TTC7A: variants seen among roughly 807,000 people sequenced by gnomAD.
TTC7A encodes the protein tetratricopeptide repeat domain 7A, also known as tetratricopeptide repeat protein 7A.
A neutral mutation model predicts 103.7 loss-of-function variants in TTC7A; 110 were observed. The ratio of observed to expected loss-of-function variants is 1.06; its 90% CI spans 0.91 to 1.24. The LOEUF (loss-of-function observed/expected upper bound fraction) is 1.24, where lower values mean the gene tolerates loss of function less well. Ranked by LOEUF, TTC7A falls within the 50% of genes most tolerant of loss-of-function variation. The pLI, the probability that TTC7A is intolerant of heterozygous loss-of-function variation, is 0.00. For synonymous variants in TTC7A, 521 were observed against 467.9 expected (o/e 1.11, Z -1.47); for missense variants, 1,340 against 1,116.3 (o/e 1.20, Z -2.86).
upstream of TTC7A, among the ~76,000 whole-genome samples, chr2:46,940,665 T>C (rs1185603112): frequency 7.2e-5 from 11 of 152,170 alleles, no homozygotes; most frequent in African/African-American, 2.7e-4. This position sits in a 1 kb window ranked among gnomAD's most constrained non-coding sequence, Gnocchi z 4.7. Context: ...GGAAGTCAAG[T>C]TGGAAAGAGG....
chr2:46,970,983 C>T (rs1673305275), intron 3 of TTC7A, among the ~76,000 whole-genome samples: 1 of 152,240 alleles, frequency 6.6e-6, no homozygotes, highest in Non-Finnish European at 1.5e-5. Context: ...GTCACTGAAT[C>T]TGTGTGCATG....
chr2:46,964,405 A>C (rs1437705331), intron 3 of TTC7A, among the ~76,000 whole-genome samples: 4 of 151,988 alleles, frequency 2.6e-5, no homozygotes, highest in Non-Finnish European at 5.9e-5. Flanking sequence ...GCCCCATGAG[A>C]GGGCCCAGAG....
intron 2 of TTC7A, among the ~76,000 whole-genome samples, chr2:46,954,478 G>A (rs1291099731): frequency 1.3e-5 from 2 of 151,420 alleles, no homozygotes; most frequent in African/African-American, 4.9e-5. Flanking sequence ...GCAGCAAAAT[G>A]ATACCATCTT....
chr2:46,959,766 A>C (rs1672211968), intron 3 of TTC7A, among the ~76,000 whole-genome samples: 2 of 152,064 alleles, frequency 1.3e-5, no homozygotes, highest in African/African-American at 4.8e-5. Context: ...ATTCCCGGGG[A>C]GGCTTTAGAC....
chr2:46,956,768 A>G, intron 2 of TTC7A, 71 bp from the exon 3 acceptor site: 1 of 1,566,566 alleles, frequency 6.4e-7, no homozygotes. Flanking sequence ...AACAAGGTCC[A>G]GGTTCAGTGG....
At chr2:46,916,261 A>G in exon 1 of TTC7A, 1 of 785,442 alleles carries the variant, frequency 1.3e-6, no homozygotes, top group Non-Finnish European at 1.5e-6. Flanking sequence ...CGACCACAAC[A>G]CGCTGGAGCC....
At position 46,999,636 on chromosome 2, in the gene TTC7A, C is replaced by T. The variant is rs1429131778; in HGVS notation, c.1065+4437C>T. On this transcript the variant is annotated intron_variant, in intron 8 of 19. Transcript: ENST00000319190. The stretch of plus-strand genomic sequence containing the variant: ...TGGTCCCCAAATCAGAAGGAATGAC[C>T]CCAGCCTGCTGAACCTCAAACGTAA... 12 of 985,312 alleles carry T rather than the reference C, an allele frequency of 1.2e-5. No individual in the cohort carries two copies. In the South Asian group the frequency reaches 3.3e-4, roughly 27 times the overall value. The allele number at this position is 985,312 out of a possible 1,614,324, so 61.0% of individuals were successfully genotyped here.
At chr2:46,933,021 A>C (rs993420853) in intron 2 of TTC7A, among the ~76,000 whole-genome samples, 43 of 152,132 alleles carry the variant, frequency 2.8e-4, no homozygotes, top group African/African-American at 1.0e-3. Context: ...AAACCAGACC[A>C]GCTAAGCTGC....
intron 15 of TTC7A, among the ~76,000 whole-genome samples, chr2:47,030,555 C>T (rs1161274963): frequency 6.6e-6 from 1 of 152,198 alleles, no homozygotes; most frequent in Non-Finnish European, 1.5e-5. Flanking sequence ...GCAGTGTTTC[C>T]TAAATATAAA....
chr2:47,071,937 G>T lies in TTC7A; in HGVS notation c.2356-1765G>T, dbSNP rs144686137. Among the ~76,000 whole-genome samples the T allele has an allele frequency of 2.0e-5, 3 of 152,248 alleles. No homozygotes were observed. The East Asian group carries it at 5.8e-4, about 29-fold the overall frequency. ...TGGCCCTCTCTGGGAGGCCTTGCCG[G>T]CCTTTCCCTTCTGTCCTGTGTGGCT... On this transcript the variant is annotated intron_variant, in intron 19 of 19. Coordinates refer to ENST00000319190, the MANE Select transcript of TTC7A (RefSeq NM_020458.4).
intron 3 of TTC7A, among the ~76,000 whole-genome samples, chr2:46,970,865 T>C (rs1411591544): frequency 6.6e-6 from 1 of 152,238 alleles, no homozygotes; most frequent in Non-Finnish European, 1.5e-5. Context: ...CCTGGGCACC[T>C]GGGTCTTTGT....
intron 19 of TTC7A, chr2:47,068,200 C>T (rs775537762): frequency 6.6e-6 from 1 of 152,252 alleles, no homozygotes; most frequent in Non-Finnish European, 1.5e-5. Flanking sequence ...AAGGATGTGC[C>T]GAGCAGCTGA....
intron 8 of TTC7A, among the ~76,000 whole-genome samples, chr2:47,005,485 G>A (rs1030634238): frequency 1.3e-5 from 2 of 152,206 alleles, no homozygotes; most frequent in African/African-American, 4.8e-5. Context: ...AGAGAGAAAG[G>A]TGGAGGGCCG....
chr2:47,051,471 C>T lies in TTC7A; in HGVS notation c.2018-275C>T, dbSNP rs11693262. 0.17 allele frequency among the ~76,000 whole-genome samples: 25,385 copies of T among 152,234 alleles called. 2,243 individuals carry two copies. The highest frequency in any genetic ancestry group is 0.2 in the Non-Finnish European group (13,391 of 67,996). On this transcript the variant is annotated intron_variant, in intron 17 of 19. Coordinates refer to ENST00000319190, the MANE Select transcript of TTC7A (RefSeq NM_020458.4). ...ATTTCTGTTGTGTTCACGTAAAGAGCATCTTTGCTGACATTATTGTTTTCC... is the reference window on the plus strand; with the variant it reads ...ATTTCTGTTGTGTTCACGTAAAGAGTATCTTTGCTGACATTATTGTTTTCC...
chr2:47,061,081 A>G, intron 19 of TTC7A, 110 bp downstream of exon 19: 2 of 1,180,340 alleles, frequency 1.7e-6, no homozygotes, highest in East Asian at 2.6e-5. Flanking sequence ...GTGCCTTGCT[A>G]CTGCTGTTCC....
Position 47,046,379 on chromosome 2 carries a change from T to C in TTC7A, c.1867T>C (p.Cys623Arg). 1 of 1,614,222 alleles carries C rather than the reference T, an allele frequency of 6.2e-7. No individual in the cohort carries two copies. The highest frequency in any genetic ancestry group is 8.5e-7 in the Non-Finnish European group (1 of 1,180,026). ...LKGPEEALVT[C>R]RQVLRLWQTL... ...AGGCCCAGAGGAAGCCCTCGTGACC[T>C]GCAGACAAGTGCTGAGGCTGTGGCA... Residue 623 changes from cysteine (C) to arginine (R), a missense_variant, in exon 16 of 20, where the codon TGC becomes CGC. By Grantham distance (180) the Cys-to-Arg change is radical. Transcript: ENST00000319190.
chr2:46,979,065 G>A (rs1674167009), intron 5 of TTC7A, among the ~76,000 whole-genome samples, 158 bp downstream of exon 5: 1 of 152,166 alleles, frequency 6.6e-6, no homozygotes, highest in African/African-American at 2.4e-5. Context: ...TGTCAGACAG[G>A]AGTGTGCAGA....
chr2:47,029,296 C>G lies in TTC7A; in HGVS notation c.1714C>G (p.Leu572Val). Residue 572 changes from leucine to valine, a missense_variant, in exon 15 of 20, where the codon CTG becomes GTG. By Grantham distance (32) the Leu-to-Val change is conservative (BLOSUM62 1). Transcript: ENST00000319190. ...RKDDAHALHL[L>V]ALLFSAQKHH... Reference sequence around the variant, plus strand: ...GGATGATGCCCACGCCCTCCACCTGCTGGCACTGCTCTTCTCTGCCCAGAA... The same window carrying G: ...GGATGATGCCCACGCCCTCCACCTGGTGGCACTGCTCTTCTCTGCCCAGAA... 1.2e-6 allele frequency: 2 copies of G among 1,614,094 alleles called. No individual in the cohort carries two copies. Among genetic ancestry groups the G allele is most frequent in the Non-Finnish European group, 1.7e-6 (2 of 1,180,028 alleles).
In TTC7A at chr2:47,049,919, A is replaced by G. The variant is rs1488302600; in HGVS notation, c.1920-30A>G. 1.9e-6 allele frequency: 3 copies of G among 1,579,056 alleles called. No individual in the cohort carries two copies. In the East Asian group the frequency reaches 6.7e-5, roughly 35 times the overall value. On this transcript the variant is annotated intron_variant, in intron 16 of 19. Coordinates refer to ENST00000319190, the MANE Select transcript of TTC7A (RefSeq NM_020458.4). Reference sequence around the variant, plus strand: ...CCCTGTGATGCTAGCCCTCTACCTTACCGGACCCTGGCCCTCTTTTGCCTT... The same window carrying G: ...CCCTGTGATGCTAGCCCTCTACCTTGCCGGACCCTGGCCCTCTTTTGCCTT...
Sources: gnomAD v4.1 joint callset for allele counts (sites outside exome capture counted in the v4.1 genomes callset) on GRCh38, gnomAD v4.1.1 for gene constraint, Gnocchi (gnomAD v3.1) non-coding constraint, MANE v1.5 for transcripts, NCBI Gene and HGNC (gene_info 2026-07-23, HGNC 2026-07-21) for gene names.